The following AGAP1 variants were observed in gnomAD, a reference collection of about 807,000 sequenced individuals.
The protein encoded by AGAP1 is ArfGAP with GTPase domain, ankyrin repeat and PH domain 1.
AGAP1 carries 29 observed loss-of-function variants against 105.3 expected under a neutral mutation model. The ratio of observed to expected loss-of-function variants is 0.28; its 90% CI spans 0.21 to 0.38. The LOEUF (loss-of-function observed/expected upper bound fraction) is 0.38. AGAP1 is among the 10% of genes least tolerant of loss of function. The probability of loss-of-function intolerance (pLI) is 1.00; values close to 1 mark genes in which losing one functional copy is unlikely to be tolerated. For synonymous variants in AGAP1, 509 were observed against 485.9 expected, an observed-to-expected ratio of 1.05 and a Z score of -0.63; for missense variants, 998 against 1,165.1, an observed-to-expected ratio of 0.86 and a Z score of 2.09.
At chr2:235,567,818 G>A (rs1487131419) in intron 1 of AGAP1, among the ~76,000 whole-genome samples, 1 of 152,048 alleles carries the variant, frequency 6.6e-6, no homozygotes, top group Non-Finnish European at 1.5e-5. Flanking sequence ...TAGGGGAAGT[G>A]GGAGAGGAGA....
At chr2:235,686,614 G>GATATAGATATATATATATATATAT (rs1264519740) in intron 1 of AGAP1, among the ~76,000 whole-genome samples, 386 of 37,886 alleles carry the variant, frequency 0.01, 4 homozygotes, top group Non-Finnish European at 0.017. Context: ...TATACGTGGA[G>GATATAGATATATATATATATATAT]ATATAGATAT....
At position 236,044,425 on chromosome 2, in the gene AGAP1, T is replaced by C. The variant is rs1035300723; in HGVS notation, c.1891+3584T>C. ...CTGAGAGGCAGCTCACCGTTTCTGCTGCTTTCTCTCTGCCCATCCATGTCG... is the reference window on the plus strand; with the variant it reads ...CTGAGAGGCAGCTCACCGTTTCTGCCGCTTTCTCTCTGCCCATCCATGTCG... On this transcript the variant is annotated intron_variant, in intron 15 of 17. Transcript: ENST00000304032. This position sits in a 1 kb window ranked among gnomAD's most constrained non-coding sequence, Gnocchi z 5.7. 2.0e-5 allele frequency among the ~76,000 whole-genome samples: 3 copies of C among 152,180 alleles called. No homozygotes were observed. Among genetic ancestry groups the C allele is most frequent in the Non-Finnish European group, 4.4e-5 (3 of 68,034 alleles).
chr2:235,876,519 C>T (rs566283871), intron 9 of AGAP1, among the ~76,000 whole-genome samples: 7 of 152,208 alleles, frequency 4.6e-5, no homozygotes, highest in Non-Finnish European at 8.8e-5. Flanking sequence ...GGAACCTCAA[C>T]GGCTGGCCTG....
Position 235,752,996 on chromosome 2 carries a change from A to C in AGAP1, c.673+2508A>C, listed in dbSNP as rs1953584207. On this transcript the variant is annotated intron_variant, in intron 6 of 17. Coordinates refer to ENST00000304032, the MANE Select transcript of AGAP1 (RefSeq NM_001037131.3). This position sits in a 1 kb window ranked among gnomAD's most constrained non-coding sequence, Gnocchi z 4.3. ...GTGTTTGCATAGTGGAGAACAGAGG[A>C]CACAAGCCCTCGCCAGTCCCTTCCC... Among the ~76,000 whole-genome samples the C allele has an allele frequency of 6.6e-6, 1 of 152,122 alleles. No individual in the cohort carries two copies. Among genetic ancestry groups the C allele is most frequent in the Non-Finnish European group, 1.5e-5 (1 of 68,032 alleles).
In AGAP1 at chr2:235,723,765, CGTTGGTTG is replaced by C. The variant is rs3834112; in HGVS notation, c.310+6152_310+6159del. The stretch of plus-strand genomic sequence containing the variant: ...ATATGGATTGAGTGGGAGCTTTTAT[CGTTGGTTG>C]GTTGGTTGGTTGGTTGGTTGGTTGG... On this transcript the variant is annotated intron_variant, in intron 3 of 17. Coordinates refer to ENST00000304032, the MANE Select transcript of AGAP1 (RefSeq NM_001037131.3). This position sits in a 1 kb window ranked among gnomAD's most constrained non-coding sequence, Gnocchi z 6.2. Among the ~76,000 whole-genome samples, 265 of 150,006 alleles carry C rather than the reference CGTTGGTTG, an allele frequency of 1.8e-3. 1 individual carries two copies. The highest frequency in any genetic ancestry group is 5.2e-3 in the African/African-American group (214 of 40,766).
intron 12 of AGAP1, among the ~76,000 whole-genome samples, chr2:235,950,664 CT>C (rs1382677585): frequency 2.0e-5 from 3 of 151,786 alleles, no homozygotes; most frequent in Non-Finnish European, 2.9e-5. Context: ...GCATCCACCC[CT>C]GACCCTTCCA....
rs2057367207 is a variant in AGAP1, at chr2:236,035,967, G to A, written c.1646-594G>A. On this transcript the variant is annotated intron_variant, in intron 13 of 17. Coordinates refer to ENST00000304032, the MANE Select transcript of AGAP1 (RefSeq NM_001037131.3). This position sits in a 1 kb window ranked among gnomAD's most constrained non-coding sequence, Gnocchi z 4.2. ...GTTCCTCTCTTCCCATTGCAGACATGGCCCCAGAGTAGCTACCAAGTCTGG... is the reference window on the plus strand; with the variant it reads ...GTTCCTCTCTTCCCATTGCAGACATAGCCCCAGAGTAGCTACCAAGTCTGG... Among the ~76,000 whole-genome samples, 1 of 152,024 alleles carries A rather than the reference G, an allele frequency of 6.6e-6. No individual in the cohort carries two copies. Among genetic ancestry groups the A allele is most frequent in the African/African-American group, 2.4e-5 (1 of 41,398 alleles).
At chr2:236,024,018 G>GTGGT (rs2056968061) in intron 13 of AGAP1, among the ~76,000 whole-genome samples, 2 of 84,446 alleles carry the variant, frequency 2.4e-5, no homozygotes, top group African/African-American at 6.4e-5. Context: ...TTTGTGGTTG[G>GTGGT]TTGTTTTTTT....
At chr2:236,077,380 G>A (rs866522638) in intron 16 of AGAP1, among the ~76,000 whole-genome samples, 8 of 149,272 alleles carry the variant, frequency 5.4e-5, no homozygotes, top group Admixed American at 6.7e-5. Flanking sequence ...GTGCAGTGGC[G>A]CGATCTCAGC....
chr2:235,669,738 G>C (rs1357579378), intron 1 of AGAP1: 1 of 148,162 alleles, frequency 6.7e-6, no homozygotes, highest in Non-Finnish European at 1.5e-5. Context: ...TGCAGCCGGA[G>C]CGGGAGGATG....
In AGAP1 at chr2:235,541,376, C is replaced by CTTTTTTTTTT. The variant is rs556785424; in HGVS notation, c.163+46547_163+46556dup. ...ATTATTTCCTTTTTCCATTCTTATTCTTTTTTTTTTTTTTTTTTTTTTTTT... is the reference window on the plus strand; with the variant it reads ...ATTATTTCCTTTTTCCATTCTTATTCTTTTTTTTTTTTTTTTTTTTTTTTTTTTTTTTTTT... On this transcript the variant is annotated intron_variant, in intron 1 of 17. Coordinates refer to ENST00000304032, the MANE Select transcript of AGAP1 (RefSeq NM_001037131.3). Among the ~76,000 whole-genome samples the CTTTTTTTTTT allele has an allele frequency of 2.1e-3, 188 of 91,096 alleles. 2 individuals carry two copies. Among genetic ancestry groups the CTTTTTTTTTT allele is most frequent in the Non-Finnish European group, 3.2e-3 (149 of 46,544 alleles). The allele number at this position is 91,096 out of a possible 152,430, so 59.8% of individuals were successfully genotyped here.
At position 236,012,934 on chromosome 2, in the gene AGAP1, A is replaced by G. The variant is rs1267638376; in HGVS notation, c.1646-23627A>G. 6.6e-6 allele frequency among the ~76,000 whole-genome samples: 1 copy of G among 151,958 alleles called. No homozygotes were observed. Among genetic ancestry groups the G allele is most frequent in the Non-Finnish European group, 1.5e-5 (1 of 68,028 alleles). On this transcript the variant is annotated intron_variant, in intron 13 of 17. Coordinates refer to ENST00000304032, the MANE Select transcript of AGAP1 (RefSeq NM_001037131.3). This position sits in a 1 kb window ranked among gnomAD's most constrained non-coding sequence, Gnocchi z 4.9. The stretch of plus-strand genomic sequence containing the variant: ...GCTAATTTTTGTATTTTTAGTAGAG[A>G]CGGTGTTTTGCCATGTTGGCCAGGC...
intron 12 of AGAP1, among the ~76,000 whole-genome samples, chr2:235,949,508 A>G (rs1296369642): frequency 6.6e-6 from 1 of 152,196 alleles, no homozygotes. Flanking sequence ...CCGGATCATC[A>G]TCTTAGTCTC....
intron 16 of AGAP1, among the ~76,000 whole-genome samples, chr2:236,052,356 G>A (rs2057926130): frequency 2.0e-5 from 3 of 152,076 alleles, no homozygotes; most frequent in African/African-American, 7.2e-5. Context: ...CAAGACCATG[G>A]GGAAGTAGAA....
At chr2:235,669,992 CG>C (rs1300136993) in intron 1 of AGAP1, 3 of 277,706 alleles carry the variant, frequency 1.1e-5, no homozygotes, top group Non-Finnish European at 2.0e-5. Context: ...TCGCGGTCAG[CG>C]GGGGGCGTGG....
At chr2:235,681,844 T>C (rs952575119) in intron 1 of AGAP1, among the ~76,000 whole-genome samples, 6 of 9,676 alleles carry the variant, frequency 6.2e-4, no homozygotes, top group African/African-American at 3.5e-3. Flanking sequence ...TTTAGTTTGC[T>C]TTTTTTTTTT....
At chr2:235,657,673 C>T (rs756243603) in intron 1 of AGAP1, among the ~76,000 whole-genome samples, 28 of 152,198 alleles carry the variant, frequency 1.8e-4, no homozygotes, top group Admixed American at 8.5e-4. Context: ...TGAGCCACCG[C>T]GCCCAGCCCA....
Position 235,622,833 on chromosome 2 carries a change from C to T in AGAP1, c.164-86346C>T, listed in dbSNP as rs1946528781. On this transcript the variant is annotated intron_variant, in intron 1 of 17. Coordinates refer to ENST00000304032, the MANE Select transcript of AGAP1 (RefSeq NM_001037131.3). The surrounding 1 kb of genome is among the most constrained non-coding windows in gnomAD (Gnocchi z 5.0). ...GCACACATGTCGCTTCCTGCACCCA[C>T]ACTGGACAGTCATTGTAGAAAGTAA... 6.6e-6 allele frequency among the ~76,000 whole-genome samples: 1 copy of T among 152,130 alleles called. No individual in the cohort carries two copies. The highest frequency in any genetic ancestry group is 6.6e-5 in the Admixed American group (1 of 15,264).
At chr2:236,016,225 G>A (rs936188661) in intron 13 of AGAP1, among the ~76,000 whole-genome samples, 1 of 151,808 alleles carries the variant, frequency 6.6e-6, no homozygotes, top group Non-Finnish European at 1.5e-5. Context: ...AATGAAAGAG[G>A]GAAAAGAATA....
Sources: gnomAD v4.1 joint callset for allele counts (sites outside exome capture counted in the v4.1 genomes callset) on GRCh38, gnomAD v4.1.1 for gene constraint, Gnocchi (gnomAD v3.1) non-coding constraint, MANE v1.5 for transcripts, NCBI Gene and HGNC (gene_info 2026-07-23, HGNC 2026-07-21) for gene names.